Variants in KIRREL3 observed in about 807,000 individuals in gnomAD.
The protein encoded by KIRREL3 is kin of IRRE-like protein 3.
In KIRREL3, 36 loss-of-function variants were observed where a neutral mutation model predicts 89.7. The ratio of observed to expected loss-of-function variants is 0.40; its 90% CI spans 0.31 to 0.53. KIRREL3 has a LOEUF of 0.53. Ranked by LOEUF, KIRREL3 falls within the 20% of genes least tolerant of loss-of-function variation. The pLI, the probability that KIRREL3 is intolerant of heterozygous loss-of-function variation, is 0.49. For synonymous variants in KIRREL3, 445 were observed against 441.4 expected (o/e 1.01, Z -0.10); for missense variants, 864 against 1,056.6 (o/e 0.82, Z 2.53).
intron 1 of KIRREL3, among the ~76,000 whole-genome samples, chr11:126,618,342 A>G (rs1271994132): frequency 6.6e-6 from 1 of 152,238 alleles, no homozygotes; most frequent in Non-Finnish European, 1.5e-5. Flanking sequence ...TCATGTGCGC[A>G]GAAACCGCCA....
At position 126,669,558 on chromosome 11, in the gene KIRREL3, C is replaced by A. The variant is rs1454795657; in HGVS notation, c.56-106646G>T. Among the ~76,000 whole-genome samples, 1 of 152,188 alleles carries A rather than the reference C, an allele frequency of 6.6e-6. No individual in the cohort carries two copies. ...ATACATCTTTTCCAGTGCATGGGTA[C>A]AGATCTCAGTAGCACACATGGAACA... On this transcript the variant is annotated intron_variant, in intron 1 of 16. Coordinates refer to ENST00000525144, the MANE Select transcript of KIRREL3 (RefSeq NM_032531.4). The surrounding 1 kb of genome is among the most constrained non-coding windows in gnomAD (Gnocchi z 5.0).
intron 6 of KIRREL3, among the ~76,000 whole-genome samples, chr11:126,460,117 G>A (rs1956495173): frequency 6.6e-6 from 1 of 152,156 alleles, no homozygotes; most frequent in Non-Finnish European, 1.5e-5. Context: ...AGCAGGAGGA[G>A]GGGGAAGGGG....
chr11:126,663,279 G>A (rs145395356), intron 1 of KIRREL3, among the ~76,000 whole-genome samples: 133 of 141,104 alleles, frequency 9.4e-4, no homozygotes, highest in African/African-American at 3.2e-3. Flanking sequence ...TCTGCCTCCC[G>A]GGGTCAAGTG....
intron 1 of KIRREL3, among the ~76,000 whole-genome samples, chr11:126,711,460 G>A (rs1351339901): frequency 6.6e-6 from 1 of 152,134 alleles, no homozygotes; most frequent in Non-Finnish European, 1.5e-5. Flanking sequence ...TACTTGGGAG[G>A]CTGAGGCATG....
chr11:126,786,518 C>A (rs1168558082), intron 1 of KIRREL3, among the ~76,000 whole-genome samples: 2 of 152,040 alleles, frequency 1.3e-5, no homozygotes, highest in East Asian at 3.9e-4. Context: ...AATAAAATAA[C>A]CTTCATAAAA....
At chr11:126,810,140 C>T (rs1219315558) in intron 1 of KIRREL3, among the ~76,000 whole-genome samples, 15 of 152,164 alleles carry the variant, frequency 9.9e-5, no homozygotes. Flanking sequence ...CTGTCATCCC[C>T]TTGCTCACAC....
chr11:126,809,775 A>G (rs537114994), intron 1 of KIRREL3, among the ~76,000 whole-genome samples: 3 of 152,234 alleles, frequency 2.0e-5, no homozygotes, highest in Admixed American at 2.0e-4. Context: ...CAAGATCTAC[A>G]TGGCCAGTTA....
rs1944410160 is a variant in KIRREL3 at position 126,640,062 on chromosome 11, G to A, written c.56-77150C>T. The stretch of plus-strand genomic sequence containing the variant: ...CTGTGACAATGAATATGAAATGAAC[G>A]TGCCCAGAGAAGACAATTAATCTCC... On this transcript the variant is annotated intron_variant, in intron 1 of 16. Transcript: ENST00000525144. This position sits in a 1 kb window ranked among gnomAD's most constrained non-coding sequence, Gnocchi z 4.9. Among the ~76,000 whole-genome samples the A allele has an allele frequency of 1.3e-5, 2 of 152,094 alleles. No homozygotes were observed.
intron 1 of KIRREL3, among the ~76,000 whole-genome samples, chr11:126,869,427 G>A (rs1395776792): frequency 6.6e-6 from 1 of 152,170 alleles, no homozygotes; most frequent in African/African-American, 2.4e-5. Context: ...GATCACCTCT[G>A]ACATGAGTTA....
chr11:126,696,260 TAAAA>T lies in KIRREL3; in HGVS notation c.56-133352_56-133349del, dbSNP rs569075769. 1.5e-5 allele frequency among the ~76,000 whole-genome samples: 2 copies of T among 130,686 alleles called. No individual in the cohort carries two copies. Among genetic ancestry groups the T allele is most frequent in the African/African-American group, 5.7e-5 (2 of 35,374 alleles). 85.7% of individuals were successfully genotyped at this position (130,686 alleles called of 152,430 possible). ...CCACTGAGCGAGACTCTATCTCAAT[TAAAA>T]AAAAAAAAAAAAGCCTGGATGGCCT... On this transcript the variant is annotated intron_variant, in intron 1 of 16. Coordinates refer to ENST00000525144, the MANE Select transcript of KIRREL3 (RefSeq NM_032531.4). The surrounding 1 kb of genome is among the most constrained non-coding windows in gnomAD (Gnocchi z 4.4).
In KIRREL3 at chr11:126,904,581, G is replaced by A. The variant is rs1946500184; in HGVS notation, c.55+95874C>T. 6.6e-6 allele frequency among the ~76,000 whole-genome samples: 1 copy of A among 152,084 alleles called. No individual in the cohort carries two copies. Among genetic ancestry groups the A allele is most frequent in the Non-Finnish European group, 1.5e-5 (1 of 68,018 alleles). On this transcript the variant is annotated intron_variant, in intron 1 of 16. Coordinates refer to ENST00000525144, the MANE Select transcript of KIRREL3 (RefSeq NM_032531.4). The surrounding 1 kb of genome is among the most constrained non-coding windows in gnomAD (Gnocchi z 4.4). ...CAGCTGCTGATGGCTTCCTACTAAT[G>A]ACTTTAAATACATGTTTTTGACATC...
chr11:126,982,488 G>A (rs1184476552), intron 1 of KIRREL3, among the ~76,000 whole-genome samples: 2 of 152,182 alleles, frequency 1.3e-5, no homozygotes, highest in Non-Finnish European at 2.9e-5. Context: ...AGCCTTTAAA[G>A]TACATTAACT....
chr11:126,985,331 C>A lies in KIRREL3; in HGVS notation c.55+15124G>T, dbSNP rs1001731776. The stretch of plus-strand genomic sequence containing the variant: ...GCCCAAGTCCAACAAAGCCACTGCA[C>A]GGTAGATGGAGGTGAGAAGGACCCA... On this transcript the variant is annotated intron_variant, in intron 1 of 16. Coordinates refer to ENST00000525144, the MANE Select transcript of KIRREL3 (RefSeq NM_032531.4). The surrounding 1 kb of genome is among the most constrained non-coding windows in gnomAD (Gnocchi z 5.3). 6.6e-6 allele frequency among the ~76,000 whole-genome samples: 1 copy of A among 152,156 alleles called. No individual in the cohort carries two copies. Among genetic ancestry groups the A allele is most frequent in the East Asian group, 1.9e-4 (1 of 5,162 alleles).
At chr11:126,692,205 T>G (rs1256485988) in intron 1 of KIRREL3, among the ~76,000 whole-genome samples, 1 of 152,136 alleles carries the variant, frequency 6.6e-6, no homozygotes, top group Non-Finnish European at 1.5e-5. Flanking sequence ...GGGTGTCGAT[T>G]CGCACACCCA....
chr11:126,808,163 A>G lies in KIRREL3; in HGVS notation c.55+192292T>C, dbSNP rs1951265447. ...TGAGGAGCAATTGTATGTAGTTTGG[A>G]GAATAGGGCCCTCATCTTGAGGCTG... is the stretch of plus-strand genomic sequence containing the variant. On this transcript the variant is annotated intron_variant, in intron 1 of 16. Coordinates refer to ENST00000525144, the MANE Select transcript of KIRREL3 (RefSeq NM_032531.4). This position sits in a 1 kb window ranked among gnomAD's most constrained non-coding sequence, Gnocchi z 4.1. Among the ~76,000 whole-genome samples, 1 of 152,186 alleles carries G rather than the reference A, an allele frequency of 6.6e-6. No individual in the cohort carries two copies. The highest frequency in any genetic ancestry group is 2.1e-4 in the South Asian group (1 of 4,814).
chr11:126,663,421 G>A (rs1300561982), intron 1 of KIRREL3, among the ~76,000 whole-genome samples: 9 of 152,008 alleles, frequency 5.9e-5, no homozygotes, highest in Admixed American at 5.9e-4. Context: ...TCCTGACCTC[G>A]TGATCCGCCT....
intron 1 of KIRREL3, among the ~76,000 whole-genome samples, chr11:126,907,861 C>T (rs770750075): frequency 6.6e-6 from 1 of 152,134 alleles, no homozygotes; most frequent in Non-Finnish European, 1.5e-5. Context: ...AGTCCAGGCC[C>T]TTTCCTCCTG....
rs1945550322 is a variant in KIRREL3, at chr11:126,664,257, A to G, written c.56-101345T>C. On this transcript the variant is annotated intron_variant, in intron 1 of 16. Transcript: ENST00000525144. This position sits in a 1 kb window ranked among gnomAD's most constrained non-coding sequence, Gnocchi z 5.4. The stretch of plus-strand genomic sequence containing the variant: ...TAGCATTTTTTTTTTTTTTACCATC[A>G]TTATGATCATCAACCCAGCACCAAT... Among the ~76,000 whole-genome samples, 1 of 149,598 alleles carries G rather than the reference A, an allele frequency of 6.7e-6. No homozygotes were observed.
intron 10 of KIRREL3, among the ~76,000 whole-genome samples, chr11:126,442,769 G>T (rs866782001): frequency 6.6e-6 from 1 of 152,224 alleles, no homozygotes; most frequent in South Asian, 2.1e-4. Context: ...GCTCCCCTCC[G>T]GGGCCACTGA....
Sources: allele counts gnomAD v4.1 joint callset (sites outside exome capture counted in the v4.1 genomes callset), GRCh38; gene constraint gnomAD v4.1.1; non-coding constraint Gnocchi (gnomAD v3.1); transcripts MANE v1.5; gene names NCBI Gene and HGNC (gene_info 2026-07-23, HGNC 2026-07-21).